Variants in EYS observed in about 807,000 individuals in gnomAD.
The protein encoded by EYS is protein eyes shut homolog.
In EYS, 250 loss-of-function variants were observed where a neutral mutation model predicts 282.1. That is an observed-to-expected ratio of 0.89 (90% CI 0.80 to 0.98). The LOEUF is 0.98. Among genes scored for constraint, EYS ranks in the 50% least tolerant of loss-of-function variants. The probability of loss-of-function intolerance (pLI) is 0.00; values close to 1 mark genes in which losing one functional copy is unlikely to be tolerated. For missense variants in EYS, 4,016 were observed against 3,709.0 expected (o/e 1.08, Z -2.15); for synonymous variants, 1,355 against 1,282.9 (o/e 1.06, Z -1.20).
intron 19 of EYS, among the ~76,000 whole-genome samples, 187 bp from the exon 20 acceptor site, chr6:64,823,009 T>A (rs1018081587): frequency 2.0e-5 from 3 of 152,014 alleles, no homozygotes; most frequent in African/African-American, 7.2e-5. Context: ...TTCAGATTAC[T>A]AATTTAATGT....
chr6:64,500,300 A>C (rs1259435997), intron 26 of EYS, among the ~76,000 whole-genome samples: 1 of 152,104 alleles, frequency 6.6e-6, no homozygotes, highest in Non-Finnish European at 1.5e-5. Context: ...CAGTTTATAG[A>C]AAAGGCAATA....
chr6:63,789,370 G>T, intron 37 of EYS, 146 bp from the exon 38 acceptor site: 1 of 739,636 alleles, frequency 1.4e-6, no homozygotes, highest in Non-Finnish European at 2.1e-6. Flanking sequence ...TTAGGTATAT[G>T]TGCAACTGGC....
chr6:64,781,026 C>T (rs917323514), intron 22 of EYS, among the ~76,000 whole-genome samples: 1 of 152,058 alleles, frequency 6.6e-6, no homozygotes, highest in Admixed American at 6.6e-5. Context: ...TTCATCGATT[C>T]TATTGATTCT....
chr6:64,882,815 A>ACTT (rs1435439299), intron 19 of EYS, among the ~76,000 whole-genome samples: 2 of 151,662 alleles, frequency 1.3e-5, no homozygotes, highest in African/African-American at 4.8e-5. Context: ...AGTAGACTAA[A>ACTT]CTTTGATGGA....
At chr6:63,960,324 G>A (rs746341865) in intron 35 of EYS, among the ~76,000 whole-genome samples, 6 of 152,278 alleles carry the variant, frequency 3.9e-5, no homozygotes, top group East Asian at 1.9e-4. Context: ...CTGAAGATAC[G>A]ACTGAATTGC....
chr6:65,089,964 T>C (rs909618619), intron 12 of EYS, among the ~76,000 whole-genome samples: 9 of 122,302 alleles, frequency 7.4e-5, no homozygotes, highest in Non-Finnish European at 1.3e-4. Flanking sequence ...AAAAAAATTA[T>C]ATATATATAT....
chr6:64,383,402 T>C (rs1034812081), intron 29 of EYS, among the ~76,000 whole-genome samples: 10 of 152,200 alleles, frequency 6.6e-5, no homozygotes, highest in African/African-American at 9.6e-5. Flanking sequence ...AAATAATTCT[T>C]ATTGGATGAG....
At chr6:64,450,295 CAAG>C (rs1389587354) in intron 26 of EYS, among the ~76,000 whole-genome samples, 1 of 152,120 alleles carries the variant, frequency 6.6e-6, no homozygotes. Flanking sequence ...ATCAATTCAA[CAAG>C]AAGAACTAAC....
At chr6:64,300,000 G>T (rs2150371806) in intron 30 of EYS, among the ~76,000 whole-genome samples, 1 of 152,240 alleles carries the variant, frequency 6.6e-6, no homozygotes, top group Non-Finnish European at 1.5e-5. Flanking sequence ...ATGGAGGTTT[G>T]CCTGAGTCCC....
intron 33 of EYS, among the ~76,000 whole-genome samples, chr6:64,000,907 G>A (rs978652230): frequency 4.6e-5 from 7 of 152,106 alleles, no homozygotes; most frequent in Non-Finnish European, 1.0e-4. Flanking sequence ...CAGCACTTTG[G>A]GAGGCCACCC....
intron 41 of EYS, among the ~76,000 whole-genome samples, chr6:63,738,050 C>A (rs182573799): frequency 9.2e-5 from 14 of 152,232 alleles, no homozygotes. Flanking sequence ...TCATCTCACA[C>A]CAGTTAGAAT....
intron 22 of EYS, among the ~76,000 whole-genome samples, chr6:64,752,730 G>GA (rs977676879): frequency 4.6e-5 from 7 of 151,474 alleles, no homozygotes; most frequent in South Asian, 2.1e-4. Flanking sequence ...CAACATGAAG[G>GA]AAAAAAAATA....
At chr6:64,026,600 C>T (rs768478520) in intron 33 of EYS, among the ~76,000 whole-genome samples, 36 of 152,092 alleles carry the variant, frequency 2.4e-4, no homozygotes, top group Non-Finnish European at 5.3e-4. Context: ...TACCTTATGT[C>T]CAAGCTTTCT....
At chr6:64,172,373 A>G in intron 31 of EYS, among the ~76,000 whole-genome samples, 1 of 152,152 alleles carries the variant, frequency 6.6e-6, no homozygotes, top group East Asian at 1.9e-4. Flanking sequence ...TTGACCAGAA[A>G]CCCCAATTTT....
At chr6:64,107,285 T>TATATATA (rs1773053230) in intron 31 of EYS, among the ~76,000 whole-genome samples, 1 of 101,500 alleles carries the variant, frequency 9.9e-6, no homozygotes, top group Non-Finnish European at 2.0e-5. Flanking sequence ...ATATATATAT[T>TATATATA]TATATATATA....
intron 31 of EYS, among the ~76,000 whole-genome samples, chr6:64,117,740 T>C (rs1322085663): frequency 1.3e-5 from 2 of 151,752 alleles, no homozygotes; most frequent in Non-Finnish European, 2.9e-5. Flanking sequence ...GGTATACAAA[T>C]TGGAAAGAAG....
At chr6:64,987,375 G>A (rs968817586) in intron 14 of EYS, among the ~76,000 whole-genome samples, 5 of 151,518 alleles carry the variant, frequency 3.3e-5, no homozygotes, top group African/African-American at 9.7e-5. Flanking sequence ...CTCTGTGGGG[G>A]ATATTAAAAA....
intron 31 of EYS, among the ~76,000 whole-genome samples, chr6:64,193,913 G>C (rs2150318027): frequency 6.6e-6 from 1 of 152,214 alleles, no homozygotes; most frequent in East Asian, 1.9e-4. Flanking sequence ...ATGGACATTT[G>C]GGTTGGTTCC....
chr6:65,404,744 A>G (rs896436096), intron 6 of EYS, among the ~76,000 whole-genome samples: 1 of 152,036 alleles, frequency 6.6e-6, no homozygotes, highest in Non-Finnish European at 1.5e-5. Flanking sequence ...TAGTAACAAA[A>G]AGTTTAGGAG....
Sources: gnomAD v4.1 joint callset for allele counts (sites outside exome capture counted in the v4.1 genomes callset) on GRCh38, gnomAD v4.1.1 for gene constraint, MANE v1.5 for transcripts, NCBI Gene and HGNC (gene_info 2026-07-23, HGNC 2026-07-21) for gene names.